The following NFIA variants were observed in gnomAD, a reference collection of about 807,000 sequenced individuals.
NFIA encodes the protein nuclear factor 1 A-type.
A neutral mutation model predicts 62.8 loss-of-function variants in NFIA; 8 were observed. The ratio of observed to expected loss-of-function variants is 0.13; its 90% CI spans 0.07 to 0.23. The LOEUF (loss-of-function observed/expected upper bound fraction) is 0.23. Ranked by LOEUF, NFIA falls within the 10% of genes least tolerant of loss-of-function variation. The probability of loss-of-function intolerance (pLI) is 1.00; values close to 1 mark genes in which losing one functional copy is unlikely to be tolerated. For synonymous variants in NFIA, 235 were observed against 238.1 expected, an observed-to-expected ratio of 0.99 and a Z score of 0.12; for missense variants, 410 against 642.1, an observed-to-expected ratio of 0.64 and a Z score of 3.91.
chr1:61,238,233 T>A (rs1655117389), intron 2 of NFIA, among the ~76,000 whole-genome samples: 1 of 152,044 alleles, frequency 6.6e-6, no homozygotes, highest in Non-Finnish European at 1.5e-5. Context: ...TAACTTAGAG[T>A]TTTCTGTGTC....
intron 9 of NFIA, among the ~76,000 whole-genome samples, chr1:61,418,010 A>G (rs1666434380): frequency 6.6e-6 from 1 of 152,192 alleles, no homozygotes; most frequent in African/African-American, 2.4e-5. Flanking sequence ...TCACATTTCT[A>G]ATAAGAGATC....
intron 3 of NFIA, among the ~76,000 whole-genome samples, chr1:61,316,162 A>G (rs1660357014): frequency 6.6e-6 from 1 of 152,194 alleles, no homozygotes; most frequent in Admixed American, 6.5e-5. Flanking sequence ...AACCAAAGAT[A>G]GTAGTTTAGA....
intron 10 of NFIA, among the ~76,000 whole-genome samples, chr1:61,428,332 C>T (rs1329061270): frequency 6.6e-6 from 1 of 151,540 alleles, no homozygotes; most frequent in Non-Finnish European, 1.5e-5. Context: ...ATTTTCCACG[C>T]ATCTGGATGA....
chr1:61,139,979 A>G (rs1041016891), intron 2 of NFIA, among the ~76,000 whole-genome samples: 2 of 151,960 alleles, frequency 1.3e-5, no homozygotes, highest in African/African-American at 4.8e-5. Flanking sequence ...CTGCAGATGC[A>G]TGACCTGGTA....
At chr1:61,102,489 TC>T (rs1646528461) in intron 2 of NFIA, among the ~76,000 whole-genome samples, 1 of 152,204 alleles carries the variant, frequency 6.6e-6, no homozygotes, top group African/African-American at 2.4e-5. Flanking sequence ...TAGAACCATA[TC>T]CCTCCTTTTC....
In NFIA at chr1:61,423,381, G is replaced by GTT. The variant is rs566113967; in HGVS notation, c.1421-3083_1421-3082insTT. 1.2e-3 allele frequency among the ~76,000 whole-genome samples: 185 copies of GTT among 152,174 alleles called. 1 individual carries two copies. Among genetic ancestry groups the GTT allele is most frequent in the African/African-American group, 4.2e-3 (176 of 41,504 alleles). ...GTTGGTTTCCCTGTTGACTTTATCA[G>GTT]TAAGTCATCAAGTACTTCTGAACCT... On this transcript the variant is annotated intron_variant, in intron 9 of 10. Transcript: ENST00000403491.
intron 2 of NFIA, among the ~76,000 whole-genome samples, chr1:61,198,922 C>T (rs1557631017): frequency 6.6e-6 from 1 of 152,152 alleles, no homozygotes; most frequent in African/African-American, 2.4e-5. Flanking sequence ...CGGCTTGCCC[C>T]CCTCCTTCAT....
chr1:61,338,010 C>T (rs556189953), intron 4 of NFIA, among the ~76,000 whole-genome samples: 50 of 142,246 alleles, frequency 3.5e-4, no homozygotes, highest in African/African-American at 1.2e-3. Flanking sequence ...AGAGGAAAAC[C>T]GCAAATACAC....
intron 2 of NFIA, among the ~76,000 whole-genome samples, chr1:61,254,844 T>TA (rs2100221564): frequency 6.6e-6 from 1 of 152,332 alleles, no homozygotes; most frequent in Admixed American, 6.5e-5. Flanking sequence ...AGTGTTGATT[T>TA]AAAAGACAGT....
intron 2 of NFIA, among the ~76,000 whole-genome samples, chr1:61,159,434 G>A (rs1048841109): frequency 6.6e-6 from 1 of 152,140 alleles, no homozygotes; most frequent in African/African-American, 2.4e-5. Flanking sequence ...GTCTGAATCA[G>A]TATGGTTGCA....
intron 2 of NFIA, among the ~76,000 whole-genome samples, chr1:61,091,359 G>A (rs1474554208): frequency 6.6e-6 from 1 of 151,600 alleles, no homozygotes; most frequent in Non-Finnish European, 1.5e-5. Flanking sequence ...TTTTTAAAGC[G>A]GAGGTGATTT....
chr1:61,406,141 C>A (rs1665806971), intron 8 of NFIA, among the ~76,000 whole-genome samples: 1 of 151,946 alleles, frequency 6.6e-6, no homozygotes, highest in East Asian at 1.9e-4. Flanking sequence ...ATGCCACAGT[C>A]CATAAAACAC....
intron 2 of NFIA, among the ~76,000 whole-genome samples, chr1:61,223,534 A>G (rs1654147276): frequency 6.6e-6 from 1 of 152,084 alleles, no homozygotes; most frequent in Non-Finnish European, 1.5e-5. Flanking sequence ...GAAACTCCAC[A>G]AATTTTAACT....
chr1:61,441,327 G>GTGTA (rs1553122138), intron 10 of NFIA, among the ~76,000 whole-genome samples: 1 of 141,656 alleles, frequency 7.1e-6, no homozygotes, highest in African/African-American at 2.7e-5. Flanking sequence ...GTGTGTGTGT[G>GTGTA]TGTGTGTCTG....
intron 2 of NFIA, among the ~76,000 whole-genome samples, chr1:61,133,728 G>C (rs1647124066): frequency 6.6e-6 from 1 of 152,198 alleles, no homozygotes; most frequent in Admixed American, 6.5e-5. Context: ...AGCTATTCAG[G>C]AGTCTGTGGT....
At chr1:61,296,749 T>C (rs1378449035) in intron 3 of NFIA, among the ~76,000 whole-genome samples, 1 of 152,182 alleles carries the variant, frequency 6.6e-6, no homozygotes, top group East Asian at 1.9e-4. Context: ...TCAAAGTTCA[T>C]TTTAAAAAAG....
chr1:61,200,047 T>C (rs1652351418), intron 2 of NFIA, among the ~76,000 whole-genome samples: 1 of 54,470 alleles, frequency 1.8e-5, no homozygotes, highest in Non-Finnish European at 3.0e-5. Flanking sequence ...TATATATATA[T>C]ATATATATAT....
intron 3 of NFIA, among the ~76,000 whole-genome samples, chr1:61,283,155 G>A (rs1658241112): frequency 6.6e-6 from 1 of 152,166 alleles, no homozygotes; most frequent in Non-Finnish European, 1.5e-5. Context: ...ATGTTGCTAG[G>A]TGAACAAGGA....
At chr1:61,290,133 A>G (rs1658782637) in intron 3 of NFIA, among the ~76,000 whole-genome samples, 1 of 151,368 alleles carries the variant, frequency 6.6e-6, no homozygotes, top group Admixed American at 6.6e-5. Context: ...TGGTACTTTA[A>G]TAGATATTTT....
Sources: gnomAD v4.1 joint callset for allele counts (sites outside exome capture counted in the v4.1 genomes callset) on GRCh38, gnomAD v4.1.1 for gene constraint, MANE v1.5 for transcripts, NCBI Gene and HGNC (gene_info 2026-07-23, HGNC 2026-07-21) for gene names.